SV2C: variants seen among roughly 807,000 people sequenced by gnomAD.
The protein encoded by SV2C is synaptic vesicle glycoprotein 2C, also known as solute carrier family 22 member B3.
In SV2C, 49 loss-of-function variants were observed where a neutral mutation model predicts 79.7. The observed-to-expected ratio is 0.61, with a 90% confidence interval of 0.49 to 0.78. The LOEUF (loss-of-function observed/expected upper bound fraction) is 0.78, where lower values mean the gene tolerates loss of function less well. Ranked by LOEUF, SV2C falls within the 30% of genes least tolerant of loss-of-function variation. The pLI, the probability that SV2C is intolerant of heterozygous loss-of-function variation, is 0.00. For synonymous variants in SV2C, 334 were observed against 333.2 expected, an observed-to-expected ratio of 1.00 and a Z score of -0.03; for missense variants, 833 against 912.9, an observed-to-expected ratio of 0.91 and a Z score of 1.13.
At chr5:75,870,143 A>G in the SV2C span, among the ~76,000 whole-genome samples, 1 of 152,136 alleles carries the variant, frequency 6.6e-6, no homozygotes, top group Admixed American at 6.5e-5. Flanking sequence ...AAAACATGAC[A>G]TCACCAAATG....
At chr5:76,069,382 G>T in the SV2C span, among the ~76,000 whole-genome samples, 1 of 152,120 alleles carries the variant, frequency 6.6e-6, no homozygotes, top group East Asian at 1.9e-4. Context: ...TTGCCTTTGG[G>T]TATCTCTCCA....
chr5:75,922,376 A>C, the SV2C span, among the ~76,000 whole-genome samples: 1 of 152,134 alleles, frequency 6.6e-6, no homozygotes, highest in Non-Finnish European at 1.5e-5. Context: ...TTTAATTTTA[A>C]AATTAATAAA....
At chr5:76,341,678 A>G (rs780208420) in intron 12 of SV2C, among the ~76,000 whole-genome samples, 10 of 152,194 alleles carry the variant, frequency 6.6e-5, no homozygotes, top group Non-Finnish European at 1.2e-4. Flanking sequence ...AGGATTGAGA[A>G]AATGTATATA....
At chr5:75,918,741 A>G in the SV2C span, among the ~76,000 whole-genome samples, 1 of 152,242 alleles carries the variant, frequency 6.6e-6, no homozygotes, top group African/African-American at 2.4e-5. Context: ...CAAGAGTGAT[A>G]GATATCCCAA....
At chr5:75,866,668 C>G in the SV2C span, among the ~76,000 whole-genome samples, 3 of 152,190 alleles carry the variant, frequency 2.0e-5, no homozygotes, top group African/African-American at 7.2e-5. Context: ...GAATCCAAAC[C>G]AGGTAACCTG....
rs571277333 is a variant in SV2C at position 76,159,846 on chromosome 5, A to T, written c.580+27516A>T. On this transcript the variant is annotated intron_variant, in intron 2 of 12. Coordinates refer to ENST00000502798, the MANE Select transcript of SV2C (RefSeq NM_014979.4). ...GTTAATACTCCAACATATCTTTTTGATGGGGGATACAATCCAAACATAACA... is the reference window on the plus strand; with the variant it reads ...GTTAATACTCCAACATATCTTTTTGTTGGGGGATACAATCCAAACATAACA... Among the ~76,000 whole-genome samples, 9 of 152,202 alleles carry T rather than the reference A, an allele frequency of 5.9e-5. No homozygotes were observed. In the South Asian group the frequency reaches 1.9e-3, roughly 32 times the overall value.
At chr5:75,921,667 T>C in the SV2C span, 1 of 638,090 alleles carries the variant, frequency 1.6e-6, no homozygotes, top group Non-Finnish European at 2.9e-6. Context: ...GGCCCCCTTT[T>C]ATCTGTTGGT....
chr5:75,978,011 G>C, the SV2C span, among the ~76,000 whole-genome samples: 5 of 152,078 alleles, frequency 3.3e-5, no homozygotes, highest in African/African-American at 1.2e-4. Context: ...CCTTTAAAAA[G>C]TTGTCTTTAA....
chr5:76,004,379 T>G, the SV2C span, among the ~76,000 whole-genome samples: 1 of 152,188 alleles, frequency 6.6e-6, no homozygotes, highest in Non-Finnish European at 1.5e-5. Flanking sequence ...CTAAGAGTTT[T>G]TTTCTTTGTT....
At chr5:76,098,346 T>G (rs550225307) in intron 1 of SV2C, among the ~76,000 whole-genome samples, 1 of 152,310 alleles carries the variant, frequency 6.6e-6, no homozygotes, top group South Asian at 2.1e-4. Context: ...ATATTATATT[T>G]TCCTATTAAA....
chr5:76,206,380 C>A (rs1050775189), intron 3 of SV2C, among the ~76,000 whole-genome samples: 1 of 152,158 alleles, frequency 6.6e-6, no homozygotes, highest in Non-Finnish European at 1.5e-5. Context: ...TGAGCAGTTC[C>A]AAGGGAGCTC....
chr5:76,216,334 C>T (rs995509594), intron 4 of SV2C, among the ~76,000 whole-genome samples: 2 of 152,154 alleles, frequency 1.3e-5, no homozygotes, highest in Admixed American at 6.5e-5. Context: ...GCTGTGGTCA[C>T]ACCAGCACCT....
the SV2C span, among the ~76,000 whole-genome samples, chr5:76,044,405 T>C: frequency 1.3e-5 from 2 of 152,348 alleles, no homozygotes; most frequent in Admixed American, 1.3e-4. Flanking sequence ...GAATGATTTA[T>C]ATTCCTTTGG....
intron 2 of SV2C, among the ~76,000 whole-genome samples, chr5:76,135,405 G>A (rs1034820878): frequency 3.9e-5 from 6 of 152,090 alleles, no homozygotes; most frequent in Admixed American, 6.5e-5. Context: ...ATGGTTTCCC[G>A]CTGAATACTA....
chr5:76,065,561 G>A, the SV2C span, among the ~76,000 whole-genome samples: 1 of 152,018 alleles, frequency 6.6e-6, no homozygotes, highest in Non-Finnish European at 1.5e-5. Context: ...TTTATGAACG[G>A]CATAGAGAAA....
the SV2C span, chr5:75,921,141 T>C: frequency 1.1e-6 from 1 of 888,372 alleles, no homozygotes; most frequent in Non-Finnish European, 1.8e-6. Context: ...TCAATGTTCA[T>C]GGCACCAATG....
chr5:76,233,851 A>G (rs540393531), intron 4 of SV2C, among the ~76,000 whole-genome samples: 3 of 151,568 alleles, frequency 2.0e-5, no homozygotes, highest in Non-Finnish European at 4.4e-5. Context: ...CCAGTATTTT[A>G]TTGAGGATTT....
chr5:76,108,428 G>A (rs1165408633), intron 1 of SV2C, among the ~76,000 whole-genome samples: 1 of 152,198 alleles, frequency 6.6e-6, no homozygotes, highest in Admixed American at 6.5e-5. Context: ...AAAGGCAAAT[G>A]TAGAAATATG....
chr5:76,158,780 C>G (rs1742814931), intron 2 of SV2C, among the ~76,000 whole-genome samples: 1 of 152,050 alleles, frequency 6.6e-6, no homozygotes, highest in Non-Finnish European at 1.5e-5. Context: ...TGAAGGAACA[C>G]TTTCTAACTC....
Sources: allele counts gnomAD v4.1 joint callset (sites outside exome capture counted in the v4.1 genomes callset), GRCh38; gene constraint gnomAD v4.1.1; transcripts MANE v1.5; gene names NCBI Gene and HGNC (gene_info 2026-07-23, HGNC 2026-07-21).